Variants in RBFOX1 observed in about 807,000 individuals in gnomAD.
RBFOX1 encodes RNA binding protein fox-1 homolog 1.
RBFOX1 carries 8 observed loss-of-function variants against 57.7 expected under a neutral mutation model. That is an observed-to-expected ratio of 0.14 (90% CI 0.08 to 0.25). RBFOX1 has a LOEUF of 0.25. Ranked by LOEUF, RBFOX1 falls within the 10% of genes least tolerant of loss-of-function variation. The pLI, the probability that RBFOX1 is intolerant of heterozygous loss-of-function variation, is 1.00. For missense variants in RBFOX1, 611 were observed against 548.5 expected, an observed-to-expected ratio of 1.11 and a Z score of -1.14; for synonymous variants, 326 against 222.4, an observed-to-expected ratio of 1.47 and a Z score of -4.15.
chr16:7,115,788 C>G (rs1009848330), intron 4 of RBFOX1, among the ~76,000 whole-genome samples: 2 of 152,306 alleles, frequency 1.3e-5, no homozygotes, highest in East Asian at 3.9e-4. Context: ...TAGCCTGCCC[C>G]GAAGGGGAGG....
Position 5,798,332 on chromosome 16 carries a change from G to A in RBFOX1, c.319-68971G>A, listed in dbSNP as rs112489361. 2.0e-4 allele frequency among the ~76,000 whole-genome samples: 30 copies of A among 152,264 alleles called. 1 individual carries two copies. Among genetic ancestry groups the A allele is most frequent in the African/African-American group, 6.5e-4 (27 of 41,568 alleles). On this transcript the variant is annotated intron_variant, in intron 3 of 19. Coordinates refer to the RBFOX1 transcript ENST00000641259. ...TACAGCTGATCTTCCAAGCAGTGTC[G>A]ATTTCTCCCTATTGTGTGCTTGGCA...
chr16:6,851,359 T>G (rs1031364334), intron 3 of RBFOX1, among the ~76,000 whole-genome samples: 1 of 152,126 alleles, frequency 6.6e-6, no homozygotes, highest in Admixed American at 6.6e-5. Context: ...CTGTGATATT[T>G]ATAGTTTTGT....
chr16:5,837,520 C>G (rs1311113593), intron 3 of RBFOX1, among the ~76,000 whole-genome samples: 2 of 152,054 alleles, frequency 1.3e-5, no homozygotes, highest in African/African-American at 4.8e-5. Context: ...CACTCCCAAC[C>G]CCACTGGTTA....
chr16:6,068,941 G>A (rs2095801169), intron 1 of RBFOX1, among the ~76,000 whole-genome samples: 1 of 152,070 alleles, frequency 6.6e-6, no homozygotes, highest in African/African-American at 2.4e-5. Flanking sequence ...GGAACAGGAG[G>A]GCAAGACAGC....
chr16:7,287,378 G>C (rs369216178), intron 4 of RBFOX1, among the ~76,000 whole-genome samples: 2 of 152,182 alleles, frequency 1.3e-5, no homozygotes, highest in Non-Finnish European at 2.9e-5. Flanking sequence ...GAGAGCAGCA[G>C]TGTGCAGGAA....
chr16:5,547,633 T>C (rs900728482), intron 2 of RBFOX1, among the ~76,000 whole-genome samples: 2 of 152,058 alleles, frequency 1.3e-5, no homozygotes, highest in Non-Finnish European at 2.9e-5. Flanking sequence ...GAGGGAGAGA[T>C]TACAGAGAGG....
At chr16:5,674,470 G>C (rs543383705) in intron 3 of RBFOX1, among the ~76,000 whole-genome samples, 98 of 152,290 alleles carry the variant, frequency 6.4e-4, no homozygotes, top group African/African-American at 2.2e-3. Context: ...TCTCACGTTT[G>C]ACTCCAGAAT....
chr16:5,779,470 C>G (rs1484781708), intron 3 of RBFOX1, among the ~76,000 whole-genome samples: 2 of 152,284 alleles, frequency 1.3e-5, no homozygotes, highest in Admixed American at 6.5e-5. Flanking sequence ...TATTACATGA[C>G]TTATTGAGCC....
intron 4 of RBFOX1, among the ~76,000 whole-genome samples, chr16:7,133,448 T>C (rs2071063788): frequency 6.6e-6 from 1 of 152,164 alleles, no homozygotes; most frequent in African/African-American, 2.4e-5. Context: ...TTTAGTAGCA[T>C]GTGAATAAAA....
intron 1 of RBFOX1, among the ~76,000 whole-genome samples, chr16:5,407,808 C>G (rs1478207204): frequency 6.6e-6 from 1 of 152,194 alleles, no homozygotes; most frequent in Non-Finnish European, 1.5e-5. Flanking sequence ...CCCGGCCTCC[C>G]AAAGTGCTGG....
chr16:6,513,921 G>A (rs1489401415), intron 2 of RBFOX1, among the ~76,000 whole-genome samples: 2 of 152,102 alleles, frequency 1.3e-5, no homozygotes, highest in Non-Finnish European at 2.9e-5. Context: ...ATCCCCAAGT[G>A]GAAAACGGGC....
chr16:6,288,544 C>G (rs7201015), intron 1 of RBFOX1, among the ~76,000 whole-genome samples: 4 of 152,024 alleles, frequency 2.6e-5, no homozygotes, highest in South Asian at 2.1e-4. Context: ...ATGCTAGATA[C>G]TGCGTCATTT....
chr16:5,674,011 C>G (rs1192478704), intron 3 of RBFOX1, among the ~76,000 whole-genome samples: 1 of 152,188 alleles, frequency 6.6e-6, no homozygotes, highest in Non-Finnish European at 1.5e-5. Flanking sequence ...GTGACAGGGA[C>G]TATGCCAGTT....
intron 4 of RBFOX1, among the ~76,000 whole-genome samples, chr16:7,485,541 G>A (rs989822384): frequency 1.3e-5 from 2 of 152,134 alleles, no homozygotes; most frequent in African/African-American, 4.8e-5. Context: ...TGTGGCCTTT[G>A]TCTTGGGCTG....
chr16:5,874,352 T>C (rs2057551481), intron 4 of RBFOX1, among the ~76,000 whole-genome samples: 1 of 152,124 alleles, frequency 6.6e-6, no homozygotes, highest in Non-Finnish European at 1.5e-5. Flanking sequence ...ATTGTAGTCT[T>C]GGAGAACAGG....
At chr16:7,478,261 G>A (rs1026747747) in intron 4 of RBFOX1, among the ~76,000 whole-genome samples, 4 of 152,164 alleles carry the variant, frequency 2.6e-5, no homozygotes, top group Non-Finnish European at 4.4e-5. Context: ...CTATCATTGC[G>A]TAGAATGAAG....
At chr16:6,901,087 C>G (rs34093172) in intron 3 of RBFOX1, among the ~76,000 whole-genome samples, 3,168 of 152,248 alleles carry the variant, frequency 0.021, 56 homozygotes, top group Non-Finnish European at 0.033. Flanking sequence ...TCAGTTGTGC[C>G]TCTCACCCTG....
At chr16:6,931,340 T>TATCTCTAC (rs1555640312) in intron 3 of RBFOX1, among the ~76,000 whole-genome samples, 62 of 106,984 alleles carry the variant, frequency 5.8e-4, no homozygotes, top group African/African-American at 1.6e-3. Context: ...TATCTATCTC[T>TATCTCTAC]ACACACACAC....
chr16:5,959,787 G>C (rs993016182), intron 4 of RBFOX1, among the ~76,000 whole-genome samples: 2 of 152,166 alleles, frequency 1.3e-5, no homozygotes, highest in Admixed American at 6.5e-5. Context: ...ACTCCAGCCT[G>C]GCTGACAGAG....
Sources: allele counts gnomAD v4.1 joint callset (sites outside exome capture counted in the v4.1 genomes callset), GRCh38; gene constraint gnomAD v4.1.1; transcripts MANE v1.5; gene names NCBI Gene and HGNC (gene_info 2026-07-23, HGNC 2026-07-21).